The following MIGA1 variants were observed in gnomAD, a reference collection of about 807,000 sequenced individuals.
MIGA1 encodes the protein mitoguardin 1.
In MIGA1, 58 loss-of-function variants were observed where a neutral mutation model predicts 82.0. The ratio of observed to expected loss-of-function variants is 0.71; its 90% CI spans 0.57 to 0.88. The LOEUF is 0.88. MIGA1 is among the 40% of genes least tolerant of loss of function. The probability of loss-of-function intolerance (pLI) is 0.00; values close to 1 mark genes in which losing one functional copy is unlikely to be tolerated. For synonymous variants in MIGA1, 249 were observed against 253.6 expected, an observed-to-expected ratio of 0.98 and a Z score of 0.17; for missense variants, 751 against 749.1, an observed-to-expected ratio of 1.00 and a Z score of -0.03.
intron 1 of MIGA1, 162 bp downstream of exon 1, chr1:77,779,898 G>A: frequency 6.4e-6 from 9 of 1,412,588 alleles, no homozygotes; most frequent in South Asian, 1.5e-5. Context: ...AAGCCAGAGG[G>A]TCTACGGCCG....
intron 12 of MIGA1, among the ~76,000 whole-genome samples, chr1:77,862,607 A>G (rs1571011468): frequency 1.3e-5 from 2 of 152,114 alleles, no homozygotes; most frequent in South Asian, 4.2e-4. Context: ...AAAATTAGCC[A>G]GGCATGGAGC....
chr1:77,866,248 G>A (rs564254953), intron 13 of MIGA1, 90 bp from the exon 14 acceptor site: 18 of 1,210,114 alleles, frequency 1.5e-5, no homozygotes, highest in Non-Finnish European at 2.1e-5. Context: ...TGTATTGAAC[G>A]TTTTAGACCC....
intron 7 of MIGA1, among the ~76,000 whole-genome samples, chr1:77,841,244 T>C (rs1312287767): frequency 1.3e-5 from 2 of 152,116 alleles, no homozygotes; most frequent in African/African-American, 4.8e-5. Context: ...TTAGGTACTT[T>C]AAAAGGATTG....
intron 7 of MIGA1, 71 bp downstream of exon 7, chr1:77,815,302 T>G (rs1483092112): frequency 2.3e-5 from 29 of 1,277,282 alleles, no homozygotes; most frequent in Non-Finnish European, 2.6e-5. Context: ...ATCATCTGCA[T>G]AAGTGTCTGT....
chr1:77,829,340 A>G (rs986025085), intron 7 of MIGA1, among the ~76,000 whole-genome samples: 1 of 152,168 alleles, frequency 6.6e-6, no homozygotes, highest in African/African-American at 2.4e-5. Context: ...TGTCTCAGCT[A>G]CTTGGGAGGC....
chr1:77,811,357 G>A (rs1258089767), intron 5 of MIGA1: 1 of 1,606,972 alleles, frequency 6.2e-7, no homozygotes, highest in African/African-American at 1.3e-5. Flanking sequence ...AGGAGACCCT[G>A]CTCCAGCACC....
intron 7 of MIGA1, among the ~76,000 whole-genome samples, chr1:77,837,450 G>A (rs907816996): frequency 6.6e-6 from 1 of 152,056 alleles, no homozygotes; most frequent in African/African-American, 2.4e-5. Context: ...CTCTTTCTTA[G>A]ATGTGTAAGT....
intron 14 of MIGA1, among the ~76,000 whole-genome samples, chr1:77,866,983 A>AT (rs1685695884): frequency 6.6e-6 from 1 of 151,910 alleles, no homozygotes; most frequent in Non-Finnish European, 1.5e-5. Flanking sequence ...CCTGGCCAGT[A>AT]TTTTTTTACA....
intron 4 of MIGA1, among the ~76,000 whole-genome samples, chr1:77,806,705 G>C (rs1557902950): frequency 6.6e-6 from 1 of 152,130 alleles, no homozygotes; most frequent in East Asian, 1.9e-4. Context: ...AAGAATAAAT[G>C]ATATAAACAT....
intron 2 of MIGA1, among the ~76,000 whole-genome samples, chr1:77,798,971 ATAT>A (rs762570772): frequency 4.1e-4 from 63 of 152,318 alleles, no homozygotes; most frequent in Non-Finnish European, 6.8e-4. Context: ...TGTTGAGATA[ATAT>A]TATGGCTTTC....
chr1:77,798,433 CA>C (rs1458327228), intron 2 of MIGA1, among the ~76,000 whole-genome samples: 1 of 152,156 alleles, frequency 6.6e-6, no homozygotes, highest in African/African-American at 2.4e-5. Context: ...TGGTAGAAGG[CA>C]AAAGGTGCGT....
intron 7 of MIGA1, among the ~76,000 whole-genome samples, chr1:77,831,121 C>T (rs1209553166): frequency 6.6e-6 from 1 of 152,194 alleles, no homozygotes; most frequent in East Asian, 1.9e-4. Flanking sequence ...TGCCCTCAGC[C>T]TGTTTAAGAG....
intron 5 of MIGA1, chr1:77,811,115 C>T (rs1683310311): frequency 6.3e-7 from 1 of 1,582,434 alleles, no homozygotes; most frequent in Non-Finnish European, 8.7e-7. Flanking sequence ...AGCTCAATGT[C>T]CACATTAAAA....
At chr1:77,842,878 C>T (rs1684680662) in intron 7 of MIGA1, among the ~76,000 whole-genome samples, 1 of 152,174 alleles carries the variant, frequency 6.6e-6, no homozygotes, top group Admixed American at 6.5e-5. Flanking sequence ...TCACAAGTGA[C>T]AGGCTGGATA....
intron 8 of MIGA1, among the ~76,000 whole-genome samples, chr1:77,851,193 A>G (rs1167981598): frequency 6.6e-6 from 1 of 152,184 alleles, no homozygotes; most frequent in African/African-American, 2.4e-5. Flanking sequence ...TTTTATGGTC[A>G]TATTTATGGT....
At chr1:77,801,792 A>G (rs1281016031) in intron 3 of MIGA1, among the ~76,000 whole-genome samples, 1 of 152,228 alleles carries the variant, frequency 6.6e-6, no homozygotes, top group African/African-American at 2.4e-5. Flanking sequence ...AATGTTATAT[A>G]CAAGTAAATT....
intron 5 of MIGA1, chr1:77,810,851 C>A (rs1683299068): frequency 6.2e-7 from 1 of 1,609,098 alleles, no homozygotes; most frequent in African/African-American, 1.3e-5. Flanking sequence ...CCAGGTTCAT[C>A]ATGTCAGGAT....
chr1:77,860,737 A>G (rs1393104801), intron 11 of MIGA1: 2 of 153,504 alleles, frequency 1.3e-5, no homozygotes, highest in African/African-American at 4.8e-5. Context: ...ATGATTAAAT[A>G]AATGATAAAT....
chr1:77,824,959 A>G (rs1683971615), intron 7 of MIGA1, among the ~76,000 whole-genome samples: 2 of 151,074 alleles, frequency 1.3e-5, no homozygotes, highest in South Asian at 4.2e-4. Context: ...ACAGGCTTAA[A>G]CAATAGTTAT....
Sources: allele counts gnomAD v4.1 joint callset (sites outside exome capture counted in the v4.1 genomes callset), GRCh38; gene constraint gnomAD v4.1.1; transcripts MANE v1.5; gene names NCBI Gene and HGNC (gene_info 2026-07-23, HGNC 2026-07-21).